The following ZMYM6 variants were observed in gnomAD, a reference collection of about 807,000 sequenced individuals.
The protein encoded by ZMYM6 is zinc finger MYM-type containing 6.
In ZMYM6, 90 loss-of-function variants were observed where a neutral mutation model predicts 134.0. The ratio of observed to expected loss-of-function variants is 0.67; its 90% CI spans 0.57 to 0.80. The LOEUF is 0.80. ZMYM6 is among the 30% of genes least tolerant of loss of function. ZMYM6 has a pLI of 0.00. For missense variants in ZMYM6, 1,362 were observed against 1,533.9 expected (o/e 0.89, Z 1.87); for synonymous variants, 481 against 524.1 (o/e 0.92, Z 1.12).
At chr1:35,022,768 T>C (rs552696083) in intron 2 of ZMYM6, among the ~76,000 whole-genome samples, 8 of 152,128 alleles carry the variant, frequency 5.3e-5, no homozygotes, top group South Asian at 4.1e-4. Flanking sequence ...TTAACATTCA[T>C]CCTTCCCCCT....
chr1:35,022,340 G>A (rs1294677354), intron 2 of ZMYM6, among the ~76,000 whole-genome samples: 3 of 151,830 alleles, frequency 2.0e-5, no homozygotes, highest in African/African-American at 4.8e-5. Context: ...GTGCCATCTC[G>A]GCTCACTGCA....
chr1:34,990,777 T>C (rs1201783088), intron 15 of ZMYM6, among the ~76,000 whole-genome samples: 2 of 152,108 alleles, frequency 1.3e-5, no homozygotes, highest in African/African-American at 4.8e-5. Context: ...ATAATCTCAA[T>C]GTATATTTAA....
chr1:34,991,139 T>C (rs897755926), intron 15 of ZMYM6, among the ~76,000 whole-genome samples: 1 of 152,066 alleles, frequency 6.6e-6, no homozygotes, highest in Non-Finnish European at 1.5e-5. Flanking sequence ...GCTGGGATTA[T>C]AGGCATGAGC....
At chr1:35,013,678 T>C (rs1221045790) in intron 6 of ZMYM6, 6 of 982,368 alleles carry the variant, frequency 6.1e-6, no homozygotes, top group Non-Finnish European at 7.3e-6. Flanking sequence ...AAGATACATC[T>C]TTGTTTTTTT....
intron 6 of ZMYM6, chr1:35,013,185 TTATA>T (rs1641117498): frequency 1.4e-6 from 1 of 718,122 alleles, no homozygotes; most frequent in East Asian, 1.3e-4. Flanking sequence ...GCTAAGAAAT[TTATA>T]TATAGTGTAT....
intron 4 of ZMYM6, among the ~76,000 whole-genome samples, chr1:35,015,953 T>C (rs1397134035): frequency 6.9e-6 from 1 of 145,868 alleles, no homozygotes. Flanking sequence ...TTCTTTTTTT[T>C]TTTTTTTTTT....
intron 1 of ZMYM6, among the ~76,000 whole-genome samples, 194 bp from the exon 2 acceptor site, chr1:35,030,907 A>T (rs1333005670): frequency 1.3e-5 from 2 of 152,200 alleles, no homozygotes; most frequent in Non-Finnish European, 2.9e-5. Flanking sequence ...TTGGGGCAAC[A>T]GCTCCCACTT....
intron 14 of ZMYM6, among the ~76,000 whole-genome samples, chr1:34,993,137 A>C (rs910935091): frequency 1.4e-5 from 2 of 148,004 alleles, no homozygotes; most frequent in Non-Finnish European, 3.0e-5. Flanking sequence ...TTTGAGACGG[A>C]GTCTCACTCT....
At chr1:34,995,171 G>A (rs1640760898) in intron 14 of ZMYM6, among the ~76,000 whole-genome samples, 1 of 143,594 alleles carries the variant, frequency 7.0e-6, no homozygotes. Context: ...ATGTATGTGT[G>A]TATATATATA....
chr1:35,022,829 T>C (rs1426592742), intron 2 of ZMYM6, among the ~76,000 whole-genome samples: 1 of 152,148 alleles, frequency 6.6e-6, no homozygotes, highest in Non-Finnish European at 1.5e-5. Context: ...AATACCTGTT[T>C]TTCTCACCCC....
At position 35,010,657 on chromosome 1, in the gene ZMYM6, T is replaced by C. The variant is rs1329417588; in HGVS notation, c.1342-60A>G. The C allele has an allele frequency of 1.9e-6, 3 of 1,553,970 alleles. No homozygotes were observed. The East Asian group carries it at 6.7e-5, about 35-fold the overall frequency. On this transcript the variant is annotated intron_variant, in intron 9 of 15. Coordinates refer to ENST00000357182, the MANE Select transcript of ZMYM6 (RefSeq NM_007167.4). ...AAACAGTTGCTTTATCTTTAAGAAC[T>C]CCTTTTCATGTCAAAGCAAATTGAG...
Position 35,005,283 on chromosome 1 carries a change from TA to T in ZMYM6, c.1814-12del. On this transcript the variant is annotated splice_polypyrimidine_tract_variant and intron_variant, in intron 12 of 15. Coordinates refer to ENST00000357182, the MANE Select transcript of ZMYM6 (RefSeq NM_007167.4). The stretch of plus-strand genomic sequence containing the variant: ...CTTTAGAAATATTTACTGATTAAAA[TA>T]AAAAGTTAAGATCTGGAATAAGCAA... 1.2e-6 allele frequency: 2 copies of T among 1,612,842 alleles called. No homozygotes were observed. Among genetic ancestry groups the T allele is most frequent in the Middle Eastern group, 3.3e-4 (2 of 6,054 alleles).
chr1:34,997,186 A>C (rs1299814284), intron 14 of ZMYM6, among the ~76,000 whole-genome samples: 1 of 152,352 alleles, frequency 6.6e-6, no homozygotes, highest in East Asian at 1.9e-4. Flanking sequence ...AATCTAATTA[A>C]GCCATAGTTC....
rs1641094545 is a variant in ZMYM6, at chr1:35,011,974, G to A, written c.978C>T (p.Thr326=). 1 of 1,608,010 alleles carries A rather than the reference G, an allele frequency of 6.2e-7. No homozygotes were observed. The highest frequency in any genetic ancestry group is 8.5e-7 in the Non-Finnish European group (1 of 1,176,478). ...GVQVSCHSCK[T]SAIPQYHLAM... is the part of the protein sequence containing the mutation. Reference sequence around the variant, plus strand: ...CTAGGTGATACTGAGGGATTGCTGAGGTTTTACAACTATGACATGAAACCT... The same window carrying A: ...CTAGGTGATACTGAGGGATTGCTGAAGTTTTACAACTATGACATGAAACCT... Residue 326 remains threonine (T), a synonymous_variant, in exon 8 of 16, where the codon ACC becomes ACT. Coordinates refer to ENST00000357182, the MANE Select transcript of ZMYM6 (RefSeq NM_007167.4).
At chr1:34,994,558 T>C (rs1640742069) in intron 14 of ZMYM6, among the ~76,000 whole-genome samples, 1 of 152,098 alleles carries the variant, frequency 6.6e-6, no homozygotes, top group African/African-American at 2.4e-5. Flanking sequence ...CTAAATTGTA[T>C]AGGATCTGGA....
intron 14 of ZMYM6, among the ~76,000 whole-genome samples, chr1:34,999,410 T>C (rs1291154774): frequency 6.6e-6 from 1 of 152,106 alleles, no homozygotes; most frequent in Non-Finnish European, 1.5e-5. Context: ...GAGGAGTTTT[T>C]CCATAAAGAG....
chr1:34,992,840 CTTATAAACTATAAATATAAAAATATAT>C (rs1557558640), intron 14 of ZMYM6, among the ~76,000 whole-genome samples: 8 of 113,388 alleles, frequency 7.1e-5, no homozygotes, highest in East Asian at 2.2e-4. Context: ...TAAAAATATA[CTTATAAACTATAAATATAAAAATATAT>C]TTATAAACTA....
intron 14 of ZMYM6, among the ~76,000 whole-genome samples, chr1:35,001,882 G>T (rs529391639): frequency 6.6e-6 from 1 of 152,184 alleles, no homozygotes; most frequent in Non-Finnish European, 1.5e-5. Flanking sequence ...TGATTCCTTG[G>T]AAGACTTTTG....
At chr1:35,001,653 GATTT>G (rs1472175168) in intron 14 of ZMYM6, among the ~76,000 whole-genome samples, 4 of 151,996 alleles carry the variant, frequency 2.6e-5, no homozygotes, top group South Asian at 4.1e-4. Flanking sequence ...ACAACACAGT[GATTT>G]ATTATGTAAT....
Sources: gnomAD v4.1 joint callset for allele counts (sites outside exome capture counted in the v4.1 genomes callset) on GRCh38, gnomAD v4.1.1 for gene constraint, MANE v1.5 for transcripts, NCBI Gene and HGNC (gene_info 2026-07-23, HGNC 2026-07-21) for gene names.